FOXN3: variants seen among roughly 807,000 people sequenced by gnomAD.
FOXN3 encodes forkhead box N3.
Under a neutral mutation model 38.4 loss-of-function variants are expected in FOXN3, and 7 were observed. The observed-to-expected ratio is 0.18, with a 90% confidence interval of 0.10 to 0.34. FOXN3 has a LOEUF of 0.34. FOXN3 is among the 10% of genes least tolerant of loss of function. FOXN3 has a pLI of 1.00. For synonymous variants in FOXN3, 230 were observed against 242.2 expected, an observed-to-expected ratio of 0.95 and a Z score of 0.47; for missense variants, 456 against 613.4, an observed-to-expected ratio of 0.74 and a Z score of 2.71.
At chr14:89,603,708 A>C (rs964442082) in intron 1 of FOXN3, among the ~76,000 whole-genome samples, 1 of 152,244 alleles carries the variant, frequency 6.6e-6, no homozygotes, top group Non-Finnish European at 1.5e-5. Context: ...TGTTTGAAAC[A>C]TATTCATGAG....
intron 2 of FOXN3, among the ~76,000 whole-genome samples, chr14:89,401,140 T>C (rs1891232777): frequency 6.6e-6 from 1 of 152,204 alleles, no homozygotes; most frequent in African/African-American, 2.4e-5. Flanking sequence ...CAGAGTCCAA[T>C]TTTTACTTTG....
chr14:89,570,566 T>C (rs1195827638), intron 1 of FOXN3, among the ~76,000 whole-genome samples: 1 of 152,118 alleles, frequency 6.6e-6, no homozygotes, highest in African/African-American at 2.4e-5. Context: ...CTGAGTAGGA[T>C]GGAAAACCAA....
rs148962125 is a variant in FOXN3, at chr14:89,305,722, C to T, written c.681-24708G>A. On this transcript the variant is annotated intron_variant, in intron 3 of 5. Coordinates refer to ENST00000557258, the MANE Select transcript of FOXN3 (RefSeq NM_005197.4). ...TAAAAGGAGACAAATATTTAAAAGC[C>T]TTATATTTATGAAGGATTTGGGAGG... Among the ~76,000 whole-genome samples the T allele has an allele frequency of 2.9e-3, 445 of 152,238 alleles. 5 individuals carry two copies. Among genetic ancestry groups the T allele is most frequent in the African/African-American group, 9.8e-3 (407 of 41,540 alleles).
At chr14:89,232,543 G>C (rs981494993) in intron 4 of FOXN3, among the ~76,000 whole-genome samples, 2 of 152,164 alleles carry the variant, frequency 1.3e-5, no homozygotes, top group Admixed American at 1.3e-4. Flanking sequence ...GTGCCTACGC[G>C]GGCTGAAAGA....
intron 5 of FOXN3, among the ~76,000 whole-genome samples, 174 bp downstream of exon 5, chr14:89,180,527 G>A (rs967502227): frequency 2.0e-5 from 3 of 152,154 alleles, no homozygotes; most frequent in Admixed American, 2.0e-4. Flanking sequence ...AGAGAAGGGG[G>A]CATTTGGATT....
intron 1 of FOXN3, among the ~76,000 whole-genome samples, chr14:89,612,658 G>A (rs573224713): frequency 6.6e-6 from 1 of 152,088 alleles, no homozygotes; most frequent in South Asian, 2.1e-4. Context: ...GCAGGGCATA[G>A]TGGTACACAC....
In FOXN3 at chr14:89,601,117, A is replaced by T. The variant is rs1896143863; in HGVS notation, c.-15+17911T>A. 2.0e-5 allele frequency among the ~76,000 whole-genome samples: 3 copies of T among 152,210 alleles called. No homozygotes were observed. In the South Asian group the frequency reaches 6.2e-4, roughly 32 times the overall value. On this transcript the variant is annotated intron_variant, in intron 1 of 6. Coordinates refer to the FOXN3 transcript ENST00000345097. ...CAGAGCCAAGCCCAGGGAGATGCTC[A>T]ATCAGATAAAATAGCGTTGATGCCT...
chr14:89,278,654 T>C (rs1886370294), intron 4 of FOXN3, among the ~76,000 whole-genome samples: 1 of 152,160 alleles, frequency 6.6e-6, no homozygotes, highest in South Asian at 2.1e-4. Flanking sequence ...ATTGCCATCT[T>C]TGGGGACAAG....
chr14:89,407,140 C>T (rs998876455), intron 2 of FOXN3, among the ~76,000 whole-genome samples: 2 of 152,106 alleles, frequency 1.3e-5, no homozygotes, highest in Non-Finnish European at 1.5e-5. Flanking sequence ...GTGACCCAGA[C>T]GTTCGTACTT....
intron 2 of FOXN3, among the ~76,000 whole-genome samples, chr14:89,376,966 A>C (rs1411336983): frequency 7.3e-6 from 1 of 137,726 alleles, no homozygotes; most frequent in East Asian, 2.3e-4. Context: ...GATTGCAGTG[A>C]GCCGAGACTG....
intron 3 of FOXN3, among the ~76,000 whole-genome samples, chr14:89,319,608 G>A (rs754991835): frequency 6.6e-6 from 1 of 152,070 alleles, no homozygotes; most frequent in Non-Finnish European, 1.5e-5. Flanking sequence ...GTCTGGGAGT[G>A]CTGAGAACCC....
intron 1 of FOXN3, among the ~76,000 whole-genome samples, chr14:89,477,973 G>A (rs758817372): frequency 2.6e-5 from 4 of 152,046 alleles, no homozygotes; most frequent in South Asian, 2.1e-4. Flanking sequence ...GGCCTTCAAC[G>A]CTGATATAGT....
chr14:89,198,089 GA>G (rs1290849712), intron 4 of FOXN3, among the ~76,000 whole-genome samples: 2 of 152,146 alleles, frequency 1.3e-5, no homozygotes. Flanking sequence ...ATCAGCAAAG[GA>G]TCAAAAATAT....
At chr14:89,554,794 T>C (rs189331777) in intron 1 of FOXN3, among the ~76,000 whole-genome samples, 5,033 of 144,808 alleles carry the variant, frequency 0.035, 292 homozygotes, top group African/African-American at 0.12. Context: ...TTTTTTTTTT[T>C]TTTTTTTTTT....
In FOXN3 at chr14:89,438,180, A is replaced by G. The variant is rs115761012; in HGVS notation, c.-14-25690T>C. On this transcript the variant is annotated intron_variant, in intron 1 of 6. Transcript: ENST00000345097. Reference sequence around the variant, plus strand: ...TGTTTATTGAGAACTGACTTACAAGAGGGCTGACCATGAAACACTGAAGCT... The same window carrying G: ...TGTTTATTGAGAACTGACTTACAAGGGGGCTGACCATGAAACACTGAAGCT... Among the ~76,000 whole-genome samples the G allele has an allele frequency of 2.0e-3, 311 of 152,390 alleles. 1 individual carries two copies. The highest frequency in any genetic ancestry group is 7.0e-3 in the African/African-American group (291 of 41,598).
intron 4 of FOXN3, among the ~76,000 whole-genome samples, chr14:89,216,550 G>C (rs561756941): frequency 4.1e-4 from 63 of 152,078 alleles, no homozygotes; most frequent in African/African-American, 1.5e-3. Flanking sequence ...TCTCCTCATG[G>C]GACCACACTC....
chr14:89,606,571 C>T (rs913881542), intron 1 of FOXN3, among the ~76,000 whole-genome samples: 4 of 152,126 alleles, frequency 2.6e-5, no homozygotes, highest in Admixed American at 1.3e-4. Context: ...AAACTGTAGC[C>T]GGGCGCAGTG....
In FOXN3 at chr14:89,417,136, C is replaced by G. The variant is rs1891765370; in HGVS notation, c.-280G>C. Reference sequence around the variant, plus strand: ...GCCGGCCCCGCCGCTCTCCCCGCCCCGTCCCGCCTCCCGCTCGCCTCCGCC... The same window carrying G: ...GCCGGCCCCGCCGCTCTCCCCGCCCGGTCCCGCCTCCCGCTCGCCTCCGCC... On this transcript the variant is annotated 5_prime_UTR_variant, in exon 1 of 6. Transcript: ENST00000557258. The G allele has an allele frequency of 6.9e-6, 1 of 144,720 alleles. No homozygotes were observed. The highest frequency in any genetic ancestry group is 2.1e-4 in the South Asian group (1 of 4,756). The allele number at this position is 144,720 out of a possible 1,614,324, so 9.0% of individuals were successfully genotyped here.
chr14:89,228,200 C>T (rs777828837), intron 4 of FOXN3, among the ~76,000 whole-genome samples: 19 of 152,198 alleles, frequency 1.2e-4, no homozygotes, highest in Non-Finnish European at 2.5e-4. Context: ...AAAACTAATA[C>T]AGTGAGGATG....
Sources: gnomAD v4.1 joint callset for allele counts (sites outside exome capture counted in the v4.1 genomes callset) on GRCh38, gnomAD v4.1.1 for gene constraint, MANE v1.5 for transcripts, NCBI Gene and HGNC (gene_info 2026-07-23, HGNC 2026-07-21) for gene names.